Variants in DYNC2H1 observed in about 807,000 individuals in gnomAD.
DYNC2H1 encodes cytoplasmic dynein 2 heavy chain 1.
A neutral mutation model predicts 570.0 loss-of-function variants in DYNC2H1; 410 were observed. The ratio of observed to expected loss-of-function variants is 0.72; its 90% confidence interval spans 0.66 to 0.78. The LOEUF (loss-of-function observed/expected upper bound fraction) is 0.78. Ranked by LOEUF, DYNC2H1 falls within the 30% of genes least tolerant of loss-of-function variation. The probability of loss-of-function intolerance (pLI) is 0.00; values close to 1 mark genes in which losing one functional copy is unlikely to be tolerated. For missense variants in DYNC2H1, 4,865 were observed against 5,046.4 expected, an observed-to-expected ratio of 0.96 and a Z score of 1.09; for synonymous variants, 1,688 against 1,677.6, an observed-to-expected ratio of 1.01 and a Z score of -0.15.
intron 85 of DYNC2H1, among the ~76,000 whole-genome samples, chr11:103,445,577 G>A (rs895488723): frequency 1.3e-5 from 2 of 152,174 alleles, no homozygotes; most frequent in Admixed American, 1.3e-4. Context: ...TAAAGAAGTG[G>A]TCATATTTTC....
chr11:103,250,005 T>G (rs1470116599), intron 65 of DYNC2H1, among the ~76,000 whole-genome samples: 2 of 152,104 alleles, frequency 1.3e-5, no homozygotes, highest in Admixed American at 6.6e-5. Flanking sequence ...TCCTTTGTAC[T>G]GACATAATGC....
rs1197199117 is a variant in DYNC2H1 at position 103,324,313 on chromosome 11, C to G, written c.12039+323C>G. 6.6e-6 allele frequency among the ~76,000 whole-genome samples: 1 copy of G among 152,010 alleles called. No homozygotes were observed. Among genetic ancestry groups the G allele is most frequent in the Non-Finnish European group, 1.5e-5 (1 of 67,994 alleles). On this transcript the variant is annotated intron_variant, in intron 82 of 88. Coordinates refer to ENST00000375735, the MANE Select transcript of DYNC2H1 (RefSeq NM_001377.3). The surrounding 1 kb of genome is among the most constrained non-coding windows in gnomAD (Gnocchi z 5.2). ...GCCCAACAGGTAATTTTTCGATCCT[C>G]CCTCTCCTCTCACCCTCCACCCTCA...
intron 13 of DYNC2H1, among the ~76,000 whole-genome samples, chr11:103,131,368 A>C (rs1591287811): frequency 6.6e-6 from 1 of 151,914 alleles, no homozygotes; most frequent in Non-Finnish European, 1.5e-5. Context: ...ATCTCGGCTC[A>C]CTGCAAGCTC....
In DYNC2H1 at chr11:103,239,411, G is replaced by A. The variant is rs1418899445; in HGVS notation, c.9819+2872G>A. Among the ~76,000 whole-genome samples the A allele has an allele frequency of 6.6e-6, 1 of 152,136 alleles. No homozygotes were observed. Among genetic ancestry groups the A allele is most frequent in the Non-Finnish European group, 1.5e-5 (1 of 68,036 alleles). On this transcript the variant is annotated intron_variant, in intron 63 of 88. Transcript: ENST00000375735. This position sits in a 1 kb window ranked among gnomAD's most constrained non-coding sequence, Gnocchi z 4.3. ...TCAATACTTGCGTATTACTTACCAT[G>A]TTGTGCATATATTACTGTTTAAGAA...
intron 9 of DYNC2H1, 90 bp from the exon 10 acceptor site, chr11:103,121,282 C>T (rs1858693444): frequency 1.4e-6 from 2 of 1,387,360 alleles, no homozygotes; most frequent in Non-Finnish European, 1.9e-6. Flanking sequence ...TTTCTTTCTA[C>T]AGCATCTGAC....
At chr11:103,137,083 T>G (rs1181240726) in intron 17 of DYNC2H1, among the ~76,000 whole-genome samples, 1 of 147,740 alleles carries the variant, frequency 6.8e-6, no homozygotes, top group Non-Finnish European at 1.5e-5. Context: ...GTTTGTTTTT[T>G]TCTTGTAAAT....
At chr11:103,361,528 A>G (rs1490014584) in intron 83 of DYNC2H1, among the ~76,000 whole-genome samples, 1 of 152,204 alleles carries the variant, frequency 6.6e-6, no homozygotes, top group African/African-American at 2.4e-5. Context: ...ATGGGAAACC[A>G]TGGAAGTTAT....
chr11:103,254,804 C>T lies in DYNC2H1; in HGVS notation c.10207-611C>T, dbSNP rs556956568. Among the ~76,000 whole-genome samples the T allele has an allele frequency of 6.6e-6, 1 of 152,130 alleles. No individual in the cohort carries two copies. Among genetic ancestry groups the T allele is most frequent in the South Asian group, 2.1e-4 (1 of 4,812 alleles). ...TTTATTTTTTTGAGACGGAGTCTGG[C>T]ACTGTTGCCCAGGCTGGAGTGCAAT... On this transcript the variant is annotated intron_variant, in intron 66 of 88. Coordinates refer to ENST00000375735, the MANE Select transcript of DYNC2H1 (RefSeq NM_001377.3). This position sits in a 1 kb window ranked among gnomAD's most constrained non-coding sequence, Gnocchi z 4.9.
At chr11:103,430,706 A>G (rs892103321) in intron 84 of DYNC2H1, among the ~76,000 whole-genome samples, 2 of 147,650 alleles carry the variant, frequency 1.4e-5, no homozygotes, top group African/African-American at 5.1e-5. Flanking sequence ...GTCATGTCTT[A>G]TTAATGCTTC....
At chr11:103,451,323 G>GGTTTTTTTT (rs1237889193) in intron 85 of DYNC2H1, among the ~76,000 whole-genome samples, 1 of 111,628 alleles carries the variant, frequency 9.0e-6, no homozygotes, top group African/African-American at 3.9e-5. Context: ...GAGTAAAAGG[G>GGTTTTTTTT]CTTTTTTTTT....
chr11:103,230,476 G>A (rs141968600), intron 59 of DYNC2H1, among the ~76,000 whole-genome samples: 5 of 152,298 alleles, frequency 3.3e-5, no homozygotes, highest in African/African-American at 1.2e-4. Context: ...GGTTGATGGA[G>A]ATGAGTAAGG....
chr11:103,169,777 A>G (rs1861495928), intron 32 of DYNC2H1, among the ~76,000 whole-genome samples: 1 of 152,218 alleles, frequency 6.6e-6, no homozygotes, highest in African/African-American at 2.4e-5. Context: ...AAATTTTAAA[A>G]TATGAAATGG....
intron 60 of DYNC2H1, among the ~76,000 whole-genome samples, chr11:103,233,275 C>A (rs777489520): frequency 2.6e-4 from 30 of 117,054 alleles, no homozygotes; most frequent in Non-Finnish European, 4.3e-4. Context: ...TGGAACTGTT[C>A]TGGAGAATTA....
chr11:103,444,474 G>A (rs1944364812), intron 85 of DYNC2H1, among the ~76,000 whole-genome samples: 1 of 152,018 alleles, frequency 6.6e-6, no homozygotes, highest in Non-Finnish European at 1.5e-5. Context: ...ATATTTCCGG[G>A]ATGTCAGAAC....
chr11:103,231,374 G>C, intron 60 of DYNC2H1, 28 bp downstream of exon 60: 1 of 1,450,806 alleles, frequency 6.9e-7, no homozygotes, highest in South Asian at 1.2e-5. Context: ...GTGTATTTTG[G>C]ATAATGCTGA....
intron 17 of DYNC2H1, among the ~76,000 whole-genome samples, chr11:103,141,797 C>T (rs1054894486): frequency 6.6e-6 from 1 of 152,238 alleles, no homozygotes. Context: ...GTTGTCTGTG[C>T]CCTGCCCCCA....
rs201613806 is a variant in DYNC2H1, at chr11:103,336,107, C to CT, written c.12039+12119dup. ...TTATATGGGGAAAGAAAAAAGATCTCTTGCTAGGCAAAAGTAATTGGCAAA... is the reference window on the plus strand; with the variant it reads ...TTATATGGGGAAAGAAAAAAGATCTCTTTGCTAGGCAAAAGTAATTGGCAAA... On this transcript the variant is annotated intron_variant, in intron 82 of 88. Transcript: ENST00000375735. 6.8e-3 allele frequency among the ~76,000 whole-genome samples: 1,029 copies of CT among 152,260 alleles called. 6 individuals are homozygous for CT. Among genetic ancestry groups the CT allele is most frequent in the South Asian group, 0.028 (134 of 4,828 alleles).
intron 84 of DYNC2H1, among the ~76,000 whole-genome samples, chr11:103,428,744 T>G (rs893866130): frequency 9.9e-5 from 15 of 152,182 alleles, no homozygotes; most frequent in African/African-American, 3.4e-4. Flanking sequence ...TATTTGTCTT[T>G]GTGTCCCTGG....
At position 103,245,740 on chromosome 11, in the gene DYNC2H1, A is replaced by G. The variant is rs1260316663; in HGVS notation, c.10042+366A>G. Among the ~76,000 whole-genome samples, 1 of 152,070 alleles carries G rather than the reference A, an allele frequency of 6.6e-6. No individual in the cohort carries two copies. The highest frequency in any genetic ancestry group is 1.5e-5 in the Non-Finnish European group (1 of 67,982). Reference sequence around the variant, plus strand: ...TTCTGAGGATGGTGAGAACTCTCCCAAAAGCTAAGTTCCCAGGTGCTGGTT... The same window carrying G: ...TTCTGAGGATGGTGAGAACTCTCCCGAAAGCTAAGTTCCCAGGTGCTGGTT... On this transcript the variant is annotated intron_variant, in intron 65 of 88. Coordinates refer to ENST00000375735, the MANE Select transcript of DYNC2H1 (RefSeq NM_001377.3). The surrounding 1 kb of genome is among the most constrained non-coding windows in gnomAD (Gnocchi z 4.5).
Sources: allele counts gnomAD v4.1 joint callset (sites outside exome capture counted in the v4.1 genomes callset), GRCh38; gene constraint gnomAD v4.1.1; non-coding constraint Gnocchi (gnomAD v3.1); transcripts MANE v1.5; gene names NCBI Gene and HGNC (gene_info 2026-07-23, HGNC 2026-07-21).